NXPE4: variants seen among roughly 807,000 people sequenced by gnomAD.
NXPE4 encodes the protein NXPE family member 4.
A neutral mutation model predicts 33.3 loss-of-function variants in NXPE4; 42 were observed. The observed-to-expected ratio is 1.26, with a 90% confidence interval of 0.98 to 1.63. The LOEUF (loss-of-function observed/expected upper bound fraction) is 1.63. Ranked by LOEUF, NXPE4 falls within the 40% of genes most tolerant of loss-of-function variation. The probability of loss-of-function intolerance (pLI) is 0.00; values close to 1 mark genes in which losing one functional copy is unlikely to be tolerated. For synonymous variants in NXPE4, 253 were observed against 234.9 expected, an observed-to-expected ratio of 1.08 and a Z score of -0.71; for missense variants, 709 against 647.6, an observed-to-expected ratio of 1.09 and a Z score of -1.03.
the NXPE4 span, among the ~76,000 whole-genome samples, chr11:114,626,839 T>C: frequency 6.6e-6 from 1 of 152,050 alleles, no homozygotes; most frequent in East Asian, 1.9e-4. Context: ...CTGGTGGAGC[T>C]GAAAACCAAG....
the NXPE4 span, among the ~76,000 whole-genome samples, chr11:114,632,527 C>T: frequency 2.6e-5 from 3 of 115,470 alleles, no homozygotes; most frequent in African/African-American, 1.0e-4. Flanking sequence ...TTATATTTTG[C>T]TATATATTTA....
At chr11:114,638,595 T>G in the NXPE4 span, among the ~76,000 whole-genome samples, 18 of 152,062 alleles carry the variant, frequency 1.2e-4, no homozygotes, top group Admixed American at 9.2e-4. Flanking sequence ...TCTTTGTGGT[T>G]TTATCTACTT....
chr11:114,606,081 A>C, the NXPE4 span, among the ~76,000 whole-genome samples: 1 of 151,548 alleles, frequency 6.6e-6, no homozygotes, highest in African/African-American at 2.4e-5. Context: ...ACTGAATAAT[A>C]AGTATTACCT....
chr11:114,599,091 A>G (rs1473230352), upstream of NXPE4, among the ~76,000 whole-genome samples: 3 of 152,150 alleles, frequency 2.0e-5, no homozygotes, highest in Non-Finnish European at 4.4e-5. Context: ...ATACGAGCAT[A>G]GGTTGTTAAA....
chr11:114,632,719 AT>A, the NXPE4 span, among the ~76,000 whole-genome samples: 7 of 61,620 alleles, frequency 1.1e-4, no homozygotes, highest in African/African-American at 3.6e-4. Context: ...AATATAATAT[AT>A]ATAATATATA....
At chr11:114,650,332 C>CT in the NXPE4 span, among the ~76,000 whole-genome samples, 1 of 152,300 alleles carries the variant, frequency 6.6e-6, no homozygotes, top group South Asian at 2.1e-4. Flanking sequence ...TTTGGAATAG[C>CT]TGGGATCACC....
At chr11:114,676,690 A>C in the NXPE4 span, among the ~76,000 whole-genome samples, 2 of 152,090 alleles carry the variant, frequency 1.3e-5, no homozygotes, top group African/African-American at 2.4e-5. Context: ...TTTGGATAAC[A>C]GTATGGAGAT....
At chr11:114,596,411 T>TGG (rs1949573323), upstream of NXPE4, among the ~76,000 whole-genome samples, 1 of 152,208 alleles carries the variant, frequency 6.6e-6, no homozygotes, top group South Asian at 2.1e-4. Context: ...GGTTGATTAC[T>TGG]GCTGCCCTAC....
At chr11:114,583,318 C>T (rs1278338497) in intron 2 of NXPE4, 1 of 621,912 alleles carries the variant, frequency 1.6e-6, no homozygotes, top group Non-Finnish European at 3.0e-6. Flanking sequence ...TTGGAAATTA[C>T]TATTATGGAC....
At chr11:114,647,307 G>C in the NXPE4 span, among the ~76,000 whole-genome samples, 4 of 152,234 alleles carry the variant, frequency 2.6e-5, no homozygotes, top group African/African-American at 9.6e-5. Flanking sequence ...CTGTGCTTAT[G>C]AGCTTTGGTA....
the NXPE4 span, among the ~76,000 whole-genome samples, chr11:114,608,477 G>A: frequency 6.6e-6 from 1 of 151,914 alleles, no homozygotes; most frequent in African/African-American, 2.4e-5. Flanking sequence ...ATTGCCTTGT[G>A]GGTAATCAAT....
intron 3 of NXPE4, 23 bp from the exon 4 acceptor site, chr11:114,581,809 T>C (rs761065343): frequency 1.3e-6 from 2 of 1,541,780 alleles, no homozygotes; most frequent in South Asian, 1.1e-5. Context: ...AATACAGAAA[T>C]TAATCTGTAG....
At chr11:114,602,781 A>G in the NXPE4 span, among the ~76,000 whole-genome samples, 1 of 144,712 alleles carries the variant, frequency 6.9e-6, no homozygotes, top group Non-Finnish European at 1.5e-5. Context: ...TTACAGAATA[A>G]TGTATAATAA....
At chr11:114,606,037 A>G in the NXPE4 span, among the ~76,000 whole-genome samples, 9 of 151,846 alleles carry the variant, frequency 5.9e-5, 1 homozygote, top group Non-Finnish European at 8.8e-5. Context: ...CAGGAGGATA[A>G]TAAGGTCTGC....
chr11:114,616,746 G>A, the NXPE4 span, among the ~76,000 whole-genome samples: 13 of 148,890 alleles, frequency 8.7e-5, no homozygotes, highest in African/African-American at 1.3e-4. Flanking sequence ...GGGTAACCAC[G>A]GTTAACCGGT....
At chr11:114,617,564 G>A in the NXPE4 span, among the ~76,000 whole-genome samples, 1 of 151,952 alleles carries the variant, frequency 6.6e-6, no homozygotes, top group East Asian at 1.9e-4. Flanking sequence ...GAAAATAATA[G>A]TTGCCTCACG....
At chr11:114,612,055 G>A in the NXPE4 span, among the ~76,000 whole-genome samples, 5 of 151,404 alleles carry the variant, frequency 3.3e-5, no homozygotes, top group African/African-American at 7.3e-5. Context: ...GTGTTGCCTC[G>A]TGGGTAACCA....
the NXPE4 span, among the ~76,000 whole-genome samples, chr11:114,616,061 C>A: frequency 2.7e-5 from 4 of 150,600 alleles, no homozygotes; most frequent in African/African-American, 7.4e-5. Context: ...ATAAGTATTG[C>A]CTCATGGGTA....
chr11:114,597,961 A>G (rs1466133067), upstream of NXPE4, among the ~76,000 whole-genome samples: 2 of 152,214 alleles, frequency 1.3e-5, no homozygotes, highest in Non-Finnish European at 2.9e-5. Flanking sequence ...GCATTAACTC[A>G]AAAGTCTGAA....
Sources: gnomAD v4.1 joint callset for allele counts (sites outside exome capture counted in the v4.1 genomes callset) on GRCh38, gnomAD v4.1.1 for gene constraint, MANE v1.5 for transcripts, NCBI Gene and HGNC (gene_info 2026-07-23, HGNC 2026-07-21) for gene names.